Variants in NBAS observed in about 807,000 individuals in gnomAD.
The protein encoded by NBAS is NBAS subunit of NRZ tethering complex.
Under a neutral mutation model 302.5 loss-of-function variants are expected in NBAS, and 219 were observed. The ratio of observed to expected loss-of-function variants is 0.72; its 90% confidence interval spans 0.65 to 0.81. The LOEUF (loss-of-function observed/expected upper bound fraction) is 0.81. NBAS is among the 30% of genes least tolerant of loss of function. The pLI is 0.00. For synonymous variants in NBAS, 1,118 were observed against 1,021.6 expected (o/e 1.09, Z -1.80); for missense variants, 2,932 against 2,841.6 (o/e 1.03, Z -0.72).
rs767504327 is a variant in NBAS at position 15,238,475 on chromosome 2, C to G, written c.5936G>C (p.Ser1979Thr). The G allele has an allele frequency of 3.1e-6, 5 of 1,614,048 alleles. No homozygotes were observed. The highest frequency in any genetic ancestry group is 1.1e-5 in the South Asian group (1 of 91,080). The change falls in exon 45 of 52, where the codon AGT (serine) becomes ACT (threonine). Residue 1979 changes from serine to threonine, a missense_variant. Transcript: ENST00000281513. ...SHSFILSLKN[S>T]EQETLQKYSH... The stretch of plus-strand genomic sequence containing the variant: ...AAGTTCCCATTTCTTTACCTGCTCA[C>G]TATTCTTCAGAGAAAGGATGAAGCT...
At chr2:15,378,077 C>G (rs1204251512) in intron 30 of NBAS, among the ~76,000 whole-genome samples, 1 of 152,114 alleles carries the variant, frequency 6.6e-6, no homozygotes, top group Non-Finnish European at 1.5e-5. Flanking sequence ...GAGACCATAG[C>G]CACCTTATTA....
chr2:15,428,006 T>C (rs1268964984), intron 21 of NBAS, among the ~76,000 whole-genome samples: 1 of 151,990 alleles, frequency 6.6e-6, no homozygotes, highest in African/African-American at 2.4e-5. Context: ...AAAAGAAAAA[T>C]TACAAATAAA....
chr2:15,449,183 A>T (rs1452253458), intron 21 of NBAS, among the ~76,000 whole-genome samples: 1 of 152,216 alleles, frequency 6.6e-6, no homozygotes, highest in African/African-American at 2.4e-5. Context: ...TTGTTACATT[A>T]AAAATACTGG....
chr2:15,365,483 A>C (rs1381678826), intron 32 of NBAS, among the ~76,000 whole-genome samples: 1 of 152,226 alleles, frequency 6.6e-6, no homozygotes, highest in African/African-American at 2.4e-5. Flanking sequence ...CAGATGCAGA[A>C]AATGGAACTA....
chr2:15,421,303 T>C (rs1328465987), intron 23 of NBAS, among the ~76,000 whole-genome samples: 1 of 152,220 alleles, frequency 6.6e-6, no homozygotes, highest in Admixed American at 6.5e-5. Flanking sequence ...GTATTTTTAA[T>C]ATCAGCTTTG....
At chr2:15,461,111 A>G in intron 21 of NBAS, 90 bp downstream of exon 21, 1 of 1,205,686 alleles carries the variant, frequency 8.3e-7, no homozygotes, top group South Asian at 1.5e-5. Flanking sequence ...TTACATTAAA[A>G]TTATTTTTTT....
intron 21 of NBAS, among the ~76,000 whole-genome samples, chr2:15,455,891 T>C (rs1214694153): frequency 4.6e-5 from 7 of 151,838 alleles, no homozygotes. Flanking sequence ...AAATGAAAAA[T>C]CTAAATAATC....
intron 13 of NBAS, among the ~76,000 whole-genome samples, chr2:15,477,405 G>C (rs1680237832): frequency 6.6e-6 from 1 of 152,100 alleles, no homozygotes; most frequent in Non-Finnish European, 1.5e-5. Flanking sequence ...GGGATTACAG[G>C]TGTGCACCAC....
the NBAS span, among the ~76,000 whole-genome samples, chr2:14,849,633 T>A: frequency 7.0e-6 from 1 of 142,428 alleles, no homozygotes; most frequent in Non-Finnish European, 1.5e-5. Flanking sequence ...AATTGTCAGA[T>A]TCACCAAAGT....
intron 38 of NBAS, among the ~76,000 whole-genome samples, chr2:15,319,047 T>C (rs1671658469): frequency 6.6e-6 from 1 of 152,146 alleles, no homozygotes; most frequent in Admixed American, 6.5e-5. Flanking sequence ...CAACAAACTT[T>C]CTCTCAGACC....
At chr2:15,054,396 A>G in the NBAS span, among the ~76,000 whole-genome samples, 1 of 152,234 alleles carries the variant, frequency 6.6e-6, no homozygotes, top group African/African-American at 2.4e-5. Context: ...TTGGGAGGGC[A>G]CTGAAGAAGG....
the NBAS span, among the ~76,000 whole-genome samples, chr2:14,823,670 A>C: frequency 2.0e-5 from 3 of 152,156 alleles, no homozygotes. Context: ...TGACATTAAA[A>C]CTTTTAAAAA....
intron 19 of NBAS, among the ~76,000 whole-genome samples, chr2:15,462,356 C>G (rs973444538): frequency 1.5e-4 from 23 of 152,136 alleles, no homozygotes; most frequent in African/African-American, 5.1e-4. Flanking sequence ...GGTGCCACAA[C>G]TAGTTCTGGG....
At chr2:15,196,626 C>G (rs1559042) in intron 48 of NBAS, among the ~76,000 whole-genome samples, 90,666 of 152,016 alleles carry the variant, frequency 0.6, 29,878 homozygotes, top group African/African-American at 0.87. Flanking sequence ...GATGAATAAG[C>G]AGAATACAAT....
chr2:15,073,578 A>G, the NBAS span, among the ~76,000 whole-genome samples: 1 of 152,028 alleles, frequency 6.6e-6, no homozygotes, highest in African/African-American at 2.4e-5. Context: ...GAGTAACCAC[A>G]ATCTTGAATT....
chr2:15,504,051 C>T (rs1661715079), intron 11 of NBAS, 94 bp downstream of exon 11: 8 of 965,390 alleles, frequency 8.3e-6, no homozygotes, highest in Admixed American at 1.7e-5. Context: ...GATGAAGATA[C>T]AAAAAATTCG....
chr2:15,376,537 T>A (rs1345222245), intron 30 of NBAS, among the ~76,000 whole-genome samples: 1 of 152,176 alleles, frequency 6.6e-6, no homozygotes, highest in Non-Finnish European at 1.5e-5. Context: ...TAAACAACTT[T>A]GTCAAGTTCA....
At chr2:15,312,602 G>T (rs180914440) in intron 38 of NBAS, among the ~76,000 whole-genome samples, 1 of 152,168 alleles carries the variant, frequency 6.6e-6, no homozygotes, top group Admixed American at 6.5e-5. Context: ...AATTCAGCTG[G>T]TACCCTGGTC....
the NBAS span, among the ~76,000 whole-genome samples, chr2:14,832,730 A>C: frequency 7.5e-4 from 114 of 152,262 alleles, no homozygotes; most frequent in African/African-American, 2.6e-3. Flanking sequence ...CGTTACATGC[A>C]TATTATTGCA....
Sources: allele counts gnomAD v4.1 joint callset (sites outside exome capture counted in the v4.1 genomes callset), GRCh38; gene constraint gnomAD v4.1.1; transcripts MANE v1.5; gene names NCBI Gene and HGNC (gene_info 2026-07-23, HGNC 2026-07-21).